Variants in NHLH2 observed in about 807,000 individuals in gnomAD.
NHLH2 encodes helix-loop-helix protein 2.
NHLH2 carries 7 observed loss-of-function variants against 7.3 expected under a neutral mutation model. The ratio of observed to expected loss-of-function variants is 0.96; its 90% CI spans 0.55 to 1.81. The LOEUF (loss-of-function observed/expected upper bound fraction) is 1.81, where lower values mean the gene tolerates loss of function less well. Among genes scored for constraint, NHLH2 ranks in the 40% most tolerant of loss-of-function variants. NHLH2 has a pLI of 0.00. For missense variants in NHLH2, 155 were observed against 194.0 expected, an observed-to-expected ratio of 0.80 and a Z score of 1.19; for synonymous variants, 93 against 91.6, an observed-to-expected ratio of 1.01 and a Z score of -0.09.
chr1:115,832,190 C>G (rs763846674), downstream of NHLH2, among the ~76,000 whole-genome samples: 1 of 152,150 alleles, frequency 6.6e-6, no homozygotes, highest in African/African-American at 2.4e-5. Context: ...ATAGACTGGG[C>G]CTTTATCATG....
At chr1:115,835,572 C>A (rs1256151383), downstream of NHLH2, among the ~76,000 whole-genome samples, 1 of 152,158 alleles carries the variant, frequency 6.6e-6, no homozygotes, top group East Asian at 1.9e-4. Flanking sequence ...GTGAAGCTGA[C>A]AAGAAGACAC....
In NHLH2 at chr1:115,838,967, C is replaced by T. The variant is rs1283370919; in HGVS notation, c.-8-587G>A. On this transcript the variant is annotated intron_variant, in intron 2 of 2. Transcript: ENST00000320238. Reference sequence around the variant, plus strand: ...GGTGCGGCCGGTCAGGAATCCCCATCCTGGAGCGCAGGCGGAGAGCCAGTG... The same window carrying T: ...GGTGCGGCCGGTCAGGAATCCCCATTCTGGAGCGCAGGCGGAGAGCCAGTG... The T allele has an allele frequency of 1.8e-5, 3 of 167,140 alleles. No individual in the cohort carries two copies. The Admixed American group carries it at 2.0e-4, about 11-fold the overall frequency. The allele number at this position is 167,140 out of a possible 1,614,324, so 10.4% of individuals were successfully genotyped here.
At position 115,837,076 on chromosome 1, in the gene NHLH2, A is replaced by G. The variant is rs1650891338; in HGVS notation, c.*889T>C. The G allele has an allele frequency of 6.6e-6, 1 of 152,482 alleles. No homozygotes were observed. Among genetic ancestry groups the G allele is most frequent in the Admixed American group, 6.5e-5 (1 of 15,292 alleles). 9.4% of individuals were successfully genotyped at this position (152,482 alleles called of 1,614,324 possible). ...TAAATAAATTGGCACAGAGTATCCA[A>G]AGTAAAAGTATCACCACTCTGAAAA... On this transcript the variant is annotated 3_prime_UTR_variant, in exon 3 of 3. Transcript: ENST00000320238.
downstream of NHLH2, among the ~76,000 whole-genome samples, chr1:115,834,040 T>C (rs1411561946): frequency 1.3e-5 from 2 of 152,050 alleles, no homozygotes; most frequent in African/African-American, 4.8e-5. Flanking sequence ...GGGAAGCGGG[T>C]ATTCCCTCCA....
chr1:115,833,173 T>C (rs1650791013), downstream of NHLH2, among the ~76,000 whole-genome samples: 1 of 152,136 alleles, frequency 6.6e-6, no homozygotes, highest in Non-Finnish European at 1.5e-5. Context: ...CAGAGGAGTG[T>C]GGATGGAGCC....
chr1:115,835,208 G>T (rs1448851121), downstream of NHLH2, among the ~76,000 whole-genome samples: 2 of 152,232 alleles, frequency 1.3e-5, no homozygotes, highest in Non-Finnish European at 2.9e-5. Flanking sequence ...GTGTTGGTCA[G>T]TTGGAAGTTG....
At chr1:115,835,839 C>G (rs1372842785), downstream of NHLH2, among the ~76,000 whole-genome samples, 2 of 138,762 alleles carry the variant, frequency 1.4e-5, no homozygotes, top group East Asian at 4.5e-4. Context: ...AAGGTTGGTC[C>G]AGGGCTCAAT....
At position 115,838,576 on chromosome 1, in the gene NHLH2, G is replaced by A. The variant is rs986653572; in HGVS notation, c.-8-196C>T. 5.7e-6 allele frequency: 3 copies of A among 523,466 alleles called. No individual in the cohort carries two copies. In the African/African-American group the frequency reaches 6.1e-5, roughly 11 times the overall value. 32.4% of individuals were successfully genotyped at this position (523,466 alleles called of 1,614,324 possible). A position where few individuals can be genotyped will look rare whatever the true frequency, so the allele number is the denominator to read the frequency against. On this transcript the variant is annotated intron_variant, in intron 2 of 2. Transcript: ENST00000320238. Reference sequence around the variant, plus strand: ...GGCGCGAGCCCTGCGCCTCGCCCTGGCGCGGGAGCCGGCGGGGACGCGGTT... The same window carrying A: ...GGCGCGAGCCCTGCGCCTCGCCCTGACGCGGGAGCCGGCGGGGACGCGGTT...
chr1:115,833,640 T>C (rs1650801576), downstream of NHLH2, among the ~76,000 whole-genome samples: 1 of 152,196 alleles, frequency 6.6e-6, no homozygotes, highest in East Asian at 1.9e-4. Flanking sequence ...ATCTGTTAAA[T>C]GGAGACAATA....
chr1:115,832,130 T>C (rs1259012803), downstream of NHLH2, among the ~76,000 whole-genome samples: 1 of 152,098 alleles, frequency 6.6e-6, no homozygotes, highest in African/African-American at 2.4e-5. Flanking sequence ...GCTATAGTGC[T>C]TATCACAGCA....
chr1:115,838,358 C>T lies in NHLH2; in HGVS notation c.15G>A (p.Pro5=), dbSNP rs773400767. The T allele has an allele frequency of 8.1e-6, 13 of 1,609,068 alleles. No homozygotes were observed. The highest frequency in any genetic ancestry group is 4.5e-4 in the Middle Eastern group (2 of 4,434). Residue 5 remains proline, a synonymous_variant, in exon 3 of 3, where the codon CCG becomes CCA. Coordinates refer to ENST00000320238, the MANE Select transcript of NHLH2 (RefSeq NM_005599.3). Reference sequence around the variant, plus strand: ...GATGGTCCGAATCTGCTGCTTGGTCCGGACTCAGCATCATTTTGGAGGCTG... The same window carrying T: ...GATGGTCCGAATCTGCTGCTTGGTCTGGACTCAGCATCATTTTGGAGGCTG... MMLS[P]DQAADSDHPS... is the part of the protein sequence containing the mutation.
At chr1:115,834,767 G>A (rs1650827743), downstream of NHLH2, among the ~76,000 whole-genome samples, 1 of 152,168 alleles carries the variant, frequency 6.6e-6, no homozygotes, top group Non-Finnish European at 1.5e-5. Flanking sequence ...TCAGTGTACT[G>A]CTTTTCTCCA....
intron 2 of NHLH2, chr1:115,839,331 G>C (rs1166024853): frequency 6.0e-6 from 1 of 166,292 alleles, no homozygotes; most frequent in Non-Finnish European, 1.5e-5. Context: ...GTGTTGTCCC[G>C]GCGGGAGCTG....
chr1:115,839,093 C>G lies in NHLH2; in HGVS notation c.-8-713G>C, dbSNP rs557999135. On this transcript the variant is annotated intron_variant, in intron 2 of 2. Coordinates refer to ENST00000320238, the MANE Select transcript of NHLH2 (RefSeq NM_005599.3). ...GAGCCTTTAAAAAGAAAATTGACTC[C>G]GATGCCCTCGCAGGCTCCCGGAGCA... The G allele has an allele frequency of 3.6e-4, 60 of 167,366 alleles. 1 individual carries two copies. Among genetic ancestry groups the G allele is most frequent in the African/African-American group, 1.4e-3 (60 of 41,586 alleles). 10.4% of individuals were successfully genotyped at this position (167,366 alleles called of 1,614,324 possible). A position where few individuals can be genotyped will look rare whatever the true frequency, so the allele number is the denominator to read the frequency against.
At chr1:115,835,798 AG>A (rs1290392051), downstream of NHLH2, among the ~76,000 whole-genome samples, 2 of 152,136 alleles carry the variant, frequency 1.3e-5, no homozygotes, top group Non-Finnish European at 2.9e-5. Context: ...TACTAGCCAC[AG>A]GTTTTTGCAG....
At chr1:115,834,148 C>T (rs1041352507), downstream of NHLH2, among the ~76,000 whole-genome samples, 11 of 152,180 alleles carry the variant, frequency 7.2e-5, no homozygotes, top group African/African-American at 2.7e-4. Context: ...TACACTGCCC[C>T]TCCTCTTCCC....
rs974126276 is a variant in NHLH2 at position 115,836,971 on chromosome 1, A to C, written c.*994T>G. ...GTGCAATATAATTAGAGCAGAAAGA[A>C]AGACCACAGTATAATCTCAACAAAC... On this transcript the variant is annotated 3_prime_UTR_variant, in exon 3 of 3. Transcript: ENST00000320238. The C allele has an allele frequency of 6.6e-6, 1 of 152,494 alleles. No homozygotes were observed. The highest frequency in any genetic ancestry group is 6.5e-5 in the Admixed American group (1 of 15,290). The allele number at this position is 152,494 out of a possible 1,614,324, so 9.4% of individuals were successfully genotyped here.
intron 2 of NHLH2, 134 bp from the exon 3 acceptor site, chr1:115,838,514 C>G (rs907069038): frequency 2.9e-6 from 3 of 1,019,578 alleles, no homozygotes; most frequent in African/African-American, 1.7e-5. Context: ...CAGGCCGGCG[C>G]GCGACGCGGG....
downstream of NHLH2, among the ~76,000 whole-genome samples, chr1:115,835,691 A>G (rs560630421): frequency 1.2e-4 from 18 of 152,234 alleles, no homozygotes; most frequent in Non-Finnish European, 2.4e-4. Flanking sequence ...GGTGTGATAT[A>G]GACTCATACT....
Sources: gnomAD v4.1 joint callset for allele counts (sites outside exome capture counted in the v4.1 genomes callset) on GRCh38, gnomAD v4.1.1 for gene constraint, MANE v1.5 for transcripts, NCBI Gene and HGNC (gene_info 2026-07-23, HGNC 2026-07-21) for gene names.